Variants in EPHA5 observed in about 807,000 individuals in gnomAD.
EPHA5 encodes ephrin type-A receptor 5.
A neutral mutation model predicts 105.0 loss-of-function variants in EPHA5; 60 were observed. The ratio of observed to expected loss-of-function variants is 0.57; its 90% confidence interval spans 0.46 to 0.71. The LOEUF is 0.71. Among genes scored for constraint, EPHA5 ranks in the 30% least tolerant of loss-of-function variants. EPHA5 has a pLI of 0.00. For synonymous variants in EPHA5, 513 were observed against 449.1 expected (o/e 1.14, Z -1.80); for missense variants, 1,218 against 1,274.7 (o/e 0.96, Z 0.68).
chr4:65,498,995 G>A (rs28392571), intron 3 of EPHA5, among the ~76,000 whole-genome samples: 21 of 79,416 alleles, frequency 2.6e-4, no homozygotes, highest in Admixed American at 3.1e-4. Flanking sequence ...TTGTAGCATC[G>A]CCTCTTATTC....
intron 2 of EPHA5, among the ~76,000 whole-genome samples, chr4:65,641,919 T>C (rs369330637): frequency 1.3e-5 from 2 of 152,114 alleles, no homozygotes; most frequent in African/African-American, 4.8e-5. Context: ...TATGTTTTTA[T>C]AAAGCAATTA....
intron 3 of EPHA5, among the ~76,000 whole-genome samples, chr4:65,560,549 C>T (rs958315829): frequency 5.9e-5 from 9 of 151,948 alleles, no homozygotes; most frequent in South Asian, 2.1e-4. Context: ...AGGATAAACA[C>T]GCTTATCCTT....
intron 8 of EPHA5, among the ~76,000 whole-genome samples, chr4:65,386,028 T>C (rs1216199295): frequency 6.6e-6 from 1 of 151,814 alleles, no homozygotes; most frequent in African/African-American, 2.4e-5. Flanking sequence ...CTCACATAAG[T>C]CTTTGGAAAA....
chr4:65,552,435 A>AT (rs1245440960), intron 3 of EPHA5, among the ~76,000 whole-genome samples: 2 of 152,042 alleles, frequency 1.3e-5, no homozygotes, highest in African/African-American at 4.8e-5. Flanking sequence ...AAATCAGATA[A>AT]TTTTCTGGTC....
At chr4:65,355,013 G>A (rs1162052143) in intron 11 of EPHA5, among the ~76,000 whole-genome samples, 2 of 151,748 alleles carry the variant, frequency 1.3e-5, no homozygotes, top group Non-Finnish European at 2.9e-5. Context: ...ACACAGGTTT[G>A]TAGATGCCTA....
At chr4:65,582,054 GTCC>G (rs1741676098) in intron 3 of EPHA5, among the ~76,000 whole-genome samples, 1 of 151,530 alleles carries the variant, frequency 6.6e-6, no homozygotes, top group Non-Finnish European at 1.5e-5. Context: ...TATAGAAATG[GTCC>G]TCCTCCTCAA....
At chr4:65,333,498 T>C (rs1720852369) in intron 15 of EPHA5, among the ~76,000 whole-genome samples, 1 of 150,646 alleles carries the variant, frequency 6.6e-6, no homozygotes, top group Admixed American at 6.7e-5. Context: ...TGAACATTGT[T>C]TAAATCACAA....
rs562438585 is a variant in EPHA5 at position 65,411,008 on chromosome 4, A to T, written c.1687+3276T>A. ...CTAACGAGTTTGGCTGAATGGTTTTATTCATGGTAAGTTTCTTTGTTGATA... is the reference window on the plus strand; with the variant it reads ...CTAACGAGTTTGGCTGAATGGTTTTTTTCATGGTAAGTTTCTTTGTTGATA... On this transcript the variant is annotated intron_variant, in intron 7 of 16. Coordinates refer to ENST00000613740, the MANE Select transcript of EPHA5 (RefSeq NM_001281766.3). Among the ~76,000 whole-genome samples the T allele has an allele frequency of 4.4e-4, 67 of 152,254 alleles. No individual in the cohort carries two copies. The South Asian group carries it at 6.8e-3, about 16-fold the overall frequency.
intron 2 of EPHA5, among the ~76,000 whole-genome samples, chr4:65,603,031 C>T (rs1489469234): frequency 6.6e-6 from 1 of 152,126 alleles, no homozygotes; most frequent in East Asian, 1.9e-4. Context: ...ATAGCCTTGT[C>T]ATTTTGAATA....
intron 8 of EPHA5, among the ~76,000 whole-genome samples, chr4:65,395,728 T>G (rs1721163425): frequency 1.3e-5 from 2 of 152,194 alleles, no homozygotes; most frequent in East Asian, 1.9e-4. Flanking sequence ...ATCATGACAA[T>G]CAAAGAGAAG....
intron 3 of EPHA5, among the ~76,000 whole-genome samples, chr4:65,564,045 AC>A (rs1739283748): frequency 6.6e-6 from 1 of 151,854 alleles, no homozygotes; most frequent in Admixed American, 6.6e-5. Flanking sequence ...TGTTCAGCCA[AC>A]TTACTCTTTG....
intron 3 of EPHA5, among the ~76,000 whole-genome samples, chr4:65,503,304 T>C: frequency 6.6e-6 from 1 of 151,908 alleles, no homozygotes; most frequent in East Asian, 1.9e-4. Context: ...AAAAATGTCT[T>C]CTCAGTATGA....
rs569863761 is a variant in EPHA5, at chr4:65,541,870, A to T, written c.911-46327T>A. ...AACACTCCTCAGCAAATGCAAAAGA[A>T]CTGAAATCGTAACAGACAGTCTCTC... On this transcript the variant is annotated intron_variant, in intron 3 of 16. Transcript: ENST00000613740. Among the ~76,000 whole-genome samples, 181 of 152,024 alleles carry T rather than the reference A, an allele frequency of 1.2e-3. 1 individual carries two copies. The highest frequency in any genetic ancestry group is 1.7e-3 in the Non-Finnish European group (114 of 67,930).
chr4:65,333,533 GTGTGTC>G (rs1320701257), intron 15 of EPHA5, among the ~76,000 whole-genome samples: 102 of 31,128 alleles, frequency 3.3e-3, no homozygotes, highest in African/African-American at 0.013. Context: ...GTGTGAGAGT[GTGTGTC>G]TGTGTGTGTG....
At chr4:65,669,273 G>A (rs563533464) in intron 1 of EPHA5, among the ~76,000 whole-genome samples, 105 of 151,794 alleles carry the variant, frequency 6.9e-4, no homozygotes, top group Non-Finnish European at 1.3e-3. Context: ...CCCCAAAGGA[G>A]GCCTCGACCT....
At chr4:65,570,596 T>TA (rs1320557722) in intron 3 of EPHA5, among the ~76,000 whole-genome samples, 1 of 151,692 alleles carries the variant, frequency 6.6e-6, no homozygotes, top group Non-Finnish European at 1.5e-5. Context: ...TACTCTAGGA[T>TA]AAAAAAAGGT....
In EPHA5 at chr4:65,404,410, A is replaced by G. The variant is rs547290349; in HGVS notation, c.1757T>C (p.Leu586Ser). 34 of 1,613,768 alleles carry G rather than the reference A, an allele frequency of 2.1e-5. No homozygotes were observed. The South Asian group carries it at 3.6e-4, about 17-fold the overall frequency. Residue 586 changes from leucine to serine, a missense_variant, in exon 8 of 17, where the codon TTG (leucine) becomes TCG (serine). Physicochemically the swap from Leu to Ser is moderately radical, Grantham distance 145. Transcript: ENST00000613740. ...IAVSVTVGVI[L>S]LAVVIGVLLS... ...GAGGACGCCGATAACCACTGCCAAC[A>G]AAATGACTCCCACTGTCACAGACAC...
At chr4:65,445,955 C>T (rs1212046088) in intron 5 of EPHA5, among the ~76,000 whole-genome samples, 1 of 152,076 alleles carries the variant, frequency 6.6e-6, no homozygotes, top group African/African-American at 2.4e-5. Context: ...CCTTTGTCAC[C>T]AGTGTCATCT....
chr4:65,349,367 C>A lies in EPHA5; in HGVS notation c.2446-1164G>T, dbSNP rs1230388449. Among the ~76,000 whole-genome samples, 11 of 151,972 alleles carry A rather than the reference C, an allele frequency of 7.2e-5. No homozygotes were observed. The South Asian group carries it at 8.3e-4, about 11-fold the overall frequency. On this transcript the variant is annotated intron_variant, in intron 13 of 16. Transcript: ENST00000613740. Reference sequence around the variant, plus strand: ...TTTGGAGACTTTCTCTTAGTTCATACAATAAACACTTTTATAATATGCCTC... The same window carrying A: ...TTTGGAGACTTTCTCTTAGTTCATAAAATAAACACTTTTATAATATGCCTC...
Sources: allele counts gnomAD v4.1 joint callset (sites outside exome capture counted in the v4.1 genomes callset), GRCh38; gene constraint gnomAD v4.1.1; transcripts MANE v1.5; gene names NCBI Gene and HGNC (gene_info 2026-07-23, HGNC 2026-07-21).